The following JPH2 variants were observed in gnomAD, a reference collection of about 807,000 sequenced individuals.
The protein encoded by JPH2 is junctophilin 2.
A neutral mutation model predicts 55.9 loss-of-function variants in JPH2; 38 were observed. The ratio of observed to expected loss-of-function variants is 0.68; its 90% CI spans 0.52 to 0.89. The LOEUF is 0.89. Among genes scored for constraint, JPH2 ranks in the 40% least tolerant of loss-of-function variants. JPH2 has a pLI of 0.00. For synonymous variants in JPH2, 480 were observed against 472.4 expected, an observed-to-expected ratio of 1.02 and a Z score of -0.21; for missense variants, 964 against 1,037.6, an observed-to-expected ratio of 0.93 and a Z score of 0.97.
rs1569189091 is a variant in JPH2 at position 44,129,561 on chromosome 20, A to AAC, written c.1170-10939_1170-10938insGT. 9.0e-3 allele frequency among the ~76,000 whole-genome samples: 1,102 copies of AAC among 122,498 alleles called. 28 individuals are homozygous for AAC. Among genetic ancestry groups the AAC allele is most frequent in the African/African-American group, 0.03 (1,041 of 35,044 alleles). 80.4% of individuals were successfully genotyped at this position (122,498 alleles called of 152,430 possible). On this transcript the variant is annotated intron_variant, in intron 2 of 5. Transcript: ENST00000372980. ...CAGAGCCAGGCTGTCTCAAAAAAAA[A>AAC]AAAAAAAACAAAAAAAACAAAACCA...
intron 1 of JPH2, among the ~76,000 whole-genome samples, chr20:44,169,458 A>G (rs1193155202): frequency 1.3e-5 from 2 of 152,142 alleles, no homozygotes; most frequent in African/African-American, 4.8e-5. Flanking sequence ...GATTACAGGC[A>G]TGAGCCACCA....
intron 2 of JPH2, among the ~76,000 whole-genome samples, chr20:44,146,872 T>C (rs1480729964): frequency 6.6e-6 from 1 of 152,238 alleles, no homozygotes; most frequent in Admixed American, 6.5e-5. Context: ...GTGGGGGTTA[T>C]AAATTGCAAC....
intron 1 of JPH2, among the ~76,000 whole-genome samples, chr20:44,178,371 A>G (rs932731176): frequency 6.6e-6 from 1 of 152,244 alleles, no homozygotes; most frequent in African/African-American, 2.4e-5. Context: ...TAAAATATCT[A>G]GGGATAAAAT....
intron 1 of JPH2, among the ~76,000 whole-genome samples, chr20:44,165,299 AAAAC>A (rs1350145431): frequency 1.3e-5 from 2 of 149,544 alleles, no homozygotes; most frequent in Non-Finnish European, 2.9e-5. Context: ...AGGAAAAAAA[AAAAC>A]AAAAAAAACA....
rs759479778 is a variant in JPH2, at chr20:44,186,559, T to C, written c.147A>G (p.Ala49=). 1.4e-5 allele frequency: 22 copies of C among 1,613,724 alleles called. No homozygotes were observed. The highest frequency in any genetic ancestry group is 1.8e-5 in the Non-Finnish European group (21 of 1,179,710). The change falls in exon 1 of 6, where the codon GCA becomes GCG. Residue 49 remains alanine, a synonymous_variant. Coordinates refer to ENST00000372980, the MANE Select transcript of JPH2 (RefSeq NM_020433.5). The part of the protein sequence containing the change: ...SGSWNFGFEV[A]GVYTWPSGNT... ...TTCCGCTGGGCCAGGTGTAGACACCTGCCACCTCAAAGCCAAAGTTCCAGG... is the reference window on the plus strand; with the variant it reads ...TTCCGCTGGGCCAGGTGTAGACACCCGCCACCTCAAAGCCAAAGTTCCAGG...
chr20:44,175,882 T>A (rs1250482934), intron 1 of JPH2, among the ~76,000 whole-genome samples: 1 of 151,720 alleles, frequency 6.6e-6, no homozygotes, highest in South Asian at 2.1e-4. Flanking sequence ...GGGGAGAGGG[T>A]CTAAAAGGAG....
intron 1 of JPH2, chr20:44,177,866 C>CG: frequency 6.2e-7 from 1 of 1,610,046 alleles, no homozygotes; most frequent in Non-Finnish European, 8.5e-7. Context: ...GAAGGAAATA[C>CG]GGGAATATAT....
rs1362446172 is a variant in JPH2, at chr20:44,114,688, A to T, written c.*14+94T>A. 19 of 877,564 alleles carry T rather than the reference A, an allele frequency of 2.2e-5. No individual in the cohort carries two copies. In the Admixed American group the frequency reaches 3.8e-4, roughly 18 times the overall value. 54.4% of individuals were successfully genotyped at this position (877,564 alleles called of 1,614,324 possible). On this transcript the variant is annotated intron_variant, in intron 5 of 5. Transcript: ENST00000372980. ...CAATTAGTCACAGGACTGTCATCCA[A>T]GTACCGAGTAGGTCCCTCCTCCCAC... is the stretch of plus-strand genomic sequence containing the variant.
chr20:44,172,261 A>C (rs893841566), intron 1 of JPH2, among the ~76,000 whole-genome samples: 5 of 152,128 alleles, frequency 3.3e-5, no homozygotes, highest in African/African-American at 1.2e-4. Flanking sequence ...GATCACCCTA[A>C]ATTGGGGTGA....
intron 1 of JPH2, among the ~76,000 whole-genome samples, chr20:44,178,652 G>A (rs2072754978): frequency 6.6e-6 from 1 of 152,098 alleles, no homozygotes; most frequent in Non-Finnish European, 1.5e-5. Flanking sequence ...CTGTTGCCCA[G>A]GCTGAAGAAG....
chr20:44,158,775 C>T (rs538405831), intron 2 of JPH2, among the ~76,000 whole-genome samples: 19 of 152,010 alleles, frequency 1.2e-4, no homozygotes, highest in East Asian at 9.7e-4. Context: ...AGCTGGATGA[C>T]CAGGCGGGTG....
At chr20:44,181,547 T>C (rs1250489786) in intron 1 of JPH2, among the ~76,000 whole-genome samples, 3 of 152,242 alleles carry the variant, frequency 2.0e-5, no homozygotes, top group Admixed American at 2.0e-4. Context: ...TTTGGAAGAC[T>C]GCTGTTTCCT....
At chr20:44,177,712 A>G in intron 1 of JPH2, 1 of 1,341,546 alleles carries the variant, frequency 7.5e-7, no homozygotes, top group Non-Finnish European at 9.6e-7. Context: ...CACTGGCAGG[A>G]CTCAAGGCAG....
intron 2 of JPH2, among the ~76,000 whole-genome samples, chr20:44,134,864 AAATATATATATTTATATATATAT>A (rs2072394313): frequency 9.1e-6 from 1 of 110,394 alleles, no homozygotes; most frequent in Non-Finnish European, 1.7e-5. Context: ...ATATATATAT[AAATATATATATTTATATATATAT>A]TAATATATAT....
rs569822337 is a variant in JPH2 at position 44,128,109 on chromosome 20, T to G, written c.1170-9486A>C. ...CCTTTGAAGTACAAAAGTTATTTTA[T>G]TTTAATGGAGTCCAATTTAGCTATC... On this transcript the variant is annotated intron_variant, in intron 2 of 5. Coordinates refer to ENST00000372980, the MANE Select transcript of JPH2 (RefSeq NM_020433.5). 7.4e-4 allele frequency among the ~76,000 whole-genome samples: 113 copies of G among 152,348 alleles called. 1 individual carries two copies. The highest frequency in any genetic ancestry group is 6.8e-3 in the Middle Eastern group (2 of 294).
intron 2 of JPH2, among the ~76,000 whole-genome samples, chr20:44,128,096 A>T (rs562018112): frequency 6.6e-6 from 1 of 152,176 alleles, no homozygotes; most frequent in Non-Finnish European, 1.5e-5. Flanking sequence ...TTTGAAGTAC[A>T]AAAGTTATTT....
intron 1 of JPH2, among the ~76,000 whole-genome samples, chr20:44,165,933 G>T (rs1232155230): frequency 6.6e-6 from 1 of 152,016 alleles, no homozygotes; most frequent in Non-Finnish European, 1.5e-5. Context: ...ATTTTTCCTA[G>T]AGCATATCTA....
At chr20:44,121,948 T>A (rs2072240674) in intron 2 of JPH2, among the ~76,000 whole-genome samples, 1 of 151,932 alleles carries the variant, frequency 6.6e-6, no homozygotes, top group South Asian at 2.1e-4. Context: ...AGTGAGCTAT[T>A]ATCACACCAT....
intron 2 of JPH2, among the ~76,000 whole-genome samples, chr20:44,134,700 C>T (rs547276547): frequency 0.14 from 5,783 of 41,194 alleles, 835 homozygotes; most frequent in Admixed American, 0.22. Flanking sequence ...AATATATATA[C>T]ATTAATATAT....
Sources: gnomAD v4.1 joint callset for allele counts (sites outside exome capture counted in the v4.1 genomes callset) on GRCh38, gnomAD v4.1.1 for gene constraint, MANE v1.5 for transcripts, NCBI Gene and HGNC (gene_info 2026-07-23, HGNC 2026-07-21) for gene names.